The following ANK2 variants were observed in gnomAD, a reference collection of about 807,000 sequenced individuals.
ANK2 encodes ankyrin-2.
Under a neutral mutation model 360.5 loss-of-function variants are expected in ANK2, and 83 were observed. That is an observed-to-expected ratio of 0.23 (90% CI 0.19 to 0.28). The LOEUF is 0.28. Ranked by LOEUF, ANK2 falls within the 10% of genes least tolerant of loss-of-function variation. ANK2 has a pLI of 1.00. For synonymous variants in ANK2, 1,740 were observed against 1,759.5 expected (o/e 0.99, Z 0.28); for missense variants, 4,201 against 4,795.7 (o/e 0.88, Z 3.66).
the ANK2 span, among the ~76,000 whole-genome samples, chr4:112,749,180 G>A: frequency 2.6e-5 from 4 of 152,178 alleles, no homozygotes; most frequent in African/African-American, 4.8e-5. Context: ...GATTACAGGC[G>A]TGAGCCACCG....
intron 1 of ANK2, among the ~76,000 whole-genome samples, chr4:112,830,907 G>C (rs917389194): frequency 2.6e-5 from 4 of 152,204 alleles, no homozygotes; most frequent in African/African-American, 9.7e-5. Flanking sequence ...CAGAACGGCT[G>C]GCTGGAGCCA....
intron 30 of ANK2, chr4:113,336,309 A>G (rs1588495700): frequency 1.7e-6 from 1 of 579,644 alleles, no homozygotes; most frequent in East Asian, 2.9e-5. Context: ...AAAAAAAAGA[A>G]ATTAGCTTTT....
the ANK2 span, among the ~76,000 whole-genome samples, chr4:112,790,459 C>T: frequency 1.3e-5 from 2 of 149,090 alleles, no homozygotes; most frequent in Non-Finnish European, 3.0e-5. Flanking sequence ...TCTTTCTAGT[C>T]AGGGGCCCCA....
At chr4:113,186,570 CTCTCTCTCTCTCTCTCT>C (rs1321075564) in intron 2 of ANK2, among the ~76,000 whole-genome samples, 921 of 80,990 alleles carry the variant, frequency 0.011, 31 homozygotes, top group African/African-American at 0.056. Flanking sequence ...GTCTCTCTCT[CTCTCTCTCTCTCTCTCT>C]TCTCTCTCTC....
At chr4:112,968,103 T>C (rs149405449) in intron 2 of ANK2, among the ~76,000 whole-genome samples, 17 of 152,348 alleles carry the variant, frequency 1.1e-4, no homozygotes, top group African/African-American at 3.4e-4. Context: ...TTCAGAAGCA[T>C]TGAACTTTTT....
chr4:113,322,195 A>G (rs1419546512), intron 26 of ANK2, among the ~76,000 whole-genome samples: 14 of 152,194 alleles, frequency 9.2e-5, no homozygotes, highest in Admixed American at 9.2e-4. Context: ...TTTTACCTCT[A>G]TTTTATGTTT....
chr4:113,184,829 G>A (rs1365463864), intron 2 of ANK2, among the ~76,000 whole-genome samples: 1 of 151,938 alleles, frequency 6.6e-6, no homozygotes, highest in East Asian at 1.9e-4. Context: ...ATCTACATTA[G>A]GTATTTCTCC....
intron 3 of ANK2, 149 bp downstream of exon 3, chr4:113,196,615 C>T (rs940266215): frequency 6.6e-6 from 5 of 757,326 alleles, no homozygotes; most frequent in Admixed American, 2.1e-5. Context: ...GAAACCTCCA[C>T]CTCCTGGGCT....
Position 113,210,073 on chromosome 4 carries a change from G to A in ANK2, c.384+10964G>A, listed in dbSNP as rs147521495. Among the ~76,000 whole-genome samples the A allele has an allele frequency of 2.3e-3, 354 of 152,274 alleles. 1 individual carries two copies. Among genetic ancestry groups the A allele is most frequent in the African/African-American group, 8.0e-3 (332 of 41,552 alleles). On this transcript the variant is annotated intron_variant, in intron 4 of 45. Transcript: ENST00000357077. ...TGCCTATAGGGGAACCAAACATCTT[G>A]TGATTCTAGCTTCCTTGGCTGCTAT...
At chr4:112,827,373 T>C in intron 1 of ANK2, 2 of 1,359,148 alleles carry the variant, frequency 1.5e-6, no homozygotes, top group Non-Finnish European at 2.1e-6. Context: ...AGCATAGAGA[T>C]GCTAATCTCA....
At chr4:113,184,560 G>C (rs1047621049) in intron 2 of ANK2, among the ~76,000 whole-genome samples, 1 of 152,142 alleles carries the variant, frequency 6.6e-6, no homozygotes, top group African/African-American at 2.4e-5. Flanking sequence ...TGGTGTGTGA[G>C]ATGAGGTGAA....
chr4:113,298,356 G>A (rs1050620030), intron 22 of ANK2, among the ~76,000 whole-genome samples: 2 of 152,132 alleles, frequency 1.3e-5, no homozygotes, highest in Non-Finnish European at 2.9e-5. Flanking sequence ...TATGGATGAG[G>A]GCCTTAAAAG....
At chr4:113,169,575 C>A (rs1044987393) in intron 1 of ANK2, among the ~76,000 whole-genome samples, 1 of 152,116 alleles carries the variant, frequency 6.6e-6, no homozygotes, top group Admixed American at 6.6e-5. Flanking sequence ...GTGTGTAGGG[C>A]GCACCATAAG....
chr4:113,287,648 T>C lies in ANK2; in HGVS notation c.2123T>C (p.Val708Ala). 1 of 1,613,628 alleles carries C rather than the reference T, an allele frequency of 6.2e-7. No individual in the cohort carries two copies. Among genetic ancestry groups the C allele is most frequent in the Non-Finnish European group, 8.5e-7 (1 of 1,179,594 alleles). Residue 708 changes from valine (V) to alanine (A), a missense_variant, in exon 19 of 46, where the codon GTG (valine) becomes GCG (alanine). By Grantham distance (64) the Val-to-Ala change is moderately conservative. Transcript: ENST00000357077. ...SLHLAAQEDK[V>A]NVADILTKHG... ...CACCTTGCAGCCCAGGAAGATAAAG[T>C]GAATGTTGCTGATATTCTCACCAAG...
At chr4:113,367,901 A>G (rs1185206084) in intron 42 of ANK2, 50 bp downstream of exon 42, 2 of 1,600,822 alleles carry the variant, frequency 1.2e-6, no homozygotes, top group Admixed American at 1.7e-5. Context: ...GAAACAGGCT[A>G]TTGTGGATGC....
intron 7 of ANK2, among the ~76,000 whole-genome samples, chr4:113,238,564 T>C (rs545814350): frequency 3.9e-4 from 59 of 152,346 alleles, no homozygotes; most frequent in Non-Finnish European, 7.5e-4. Context: ...ACCGTACAAA[T>C]TGATATCTTA....
At chr4:113,075,798 A>G (rs11931464) in intron 1 of ANK2, among the ~76,000 whole-genome samples, 30,166 of 152,174 alleles carry the variant, frequency 0.2, 4,125 homozygotes, top group African/African-American at 0.39. Flanking sequence ...TTATTAAAAC[A>G]TTCCTTTTCC....
At chr4:112,971,845 A>G (rs1290228843) in intron 2 of ANK2, among the ~76,000 whole-genome samples, 1 of 152,166 alleles carries the variant, frequency 6.6e-6, no homozygotes, top group Non-Finnish European at 1.5e-5. Flanking sequence ...ATGATGAAAG[A>G]CTCAGACATA....
intron 1 of ANK2, among the ~76,000 whole-genome samples, chr4:112,875,039 CTTTT>C (rs991553054): frequency 7.1e-6 from 1 of 140,780 alleles, no homozygotes; most frequent in Non-Finnish European, 1.6e-5. Flanking sequence ...TCCCTAATTA[CTTTT>C]TTTTTTTTTT....
Sources: gnomAD v4.1 joint callset for allele counts (sites outside exome capture counted in the v4.1 genomes callset) on GRCh38, gnomAD v4.1.1 for gene constraint, MANE v1.5 for transcripts, NCBI Gene and HGNC (gene_info 2026-07-23, HGNC 2026-07-21) for gene names.